The following MCMDC2 variants were observed in gnomAD, a reference collection of about 807,000 sequenced individuals.
The protein encoded by MCMDC2 is minichromosome maintenance domain-containing protein 2.
Under a neutral mutation model 75.8 loss-of-function variants are expected in MCMDC2, and 54 were observed. The observed-to-expected ratio is 0.71, with a 90% CI of 0.57 to 0.89. The LOEUF (loss-of-function observed/expected upper bound fraction) is 0.89. Among genes scored for constraint, MCMDC2 ranks in the 40% least tolerant of loss-of-function variants. The pLI is 0.00. For synonymous variants in MCMDC2, 249 were observed against 274.6 expected (o/e 0.91, Z 0.92); for missense variants, 656 against 780.4 (o/e 0.84, Z 1.90).
rs549793051 is a variant in MCMDC2 at position 66,921,530 on chromosome 8, G to A, written c.*2361G>A. ...AAACCTTCACCCAGATATAAATTCA[G>A]CTTTAGAATTCTTGCCAATTTAGTC... On this transcript the variant is annotated 3_prime_UTR_variant, in exon 15 of 15. Transcript: ENST00000422365. 6.6e-6 allele frequency: 1 copy of A among 152,308 alleles called. No homozygotes were observed. The highest frequency in any genetic ancestry group is 2.4e-5 in the African/African-American group (1 of 41,572). 9.4% of individuals were successfully genotyped at this position (152,308 alleles called of 1,614,324 possible). A position where few individuals can be genotyped will look rare whatever the true frequency, so the allele number is the denominator to read the frequency against.
chr8:66,901,375 A>G (rs1178893494), intron 13 of MCMDC2, 27 bp downstream of exon 13: 1 of 1,584,292 alleles, frequency 6.3e-7, no homozygotes, highest in African/African-American at 1.4e-5. Context: ...AGATTTTAAA[A>G]TCAGCATTGA....
chr8:66,899,462 ATCCAATCCAGGACATG>A (rs1812526323), intron 12 of MCMDC2, among the ~76,000 whole-genome samples: 1 of 152,192 alleles, frequency 6.6e-6, no homozygotes, highest in African/African-American at 2.4e-5. Context: ...CAGGATATAC[ATCCAATCCAGGACATG>A]TCCAATCTAG....
intron 9 of MCMDC2, among the ~76,000 whole-genome samples, chr8:66,885,491 A>G (rs1811797905): frequency 6.6e-6 from 1 of 151,952 alleles, no homozygotes; most frequent in Admixed American, 6.6e-5. Context: ...TGTTTTTATT[A>G]TGTTGTTTAT....
At chr8:66,922,567 T>C, downstream of MCMDC2, 1 of 518,628 alleles carries the variant, frequency 1.9e-6, no homozygotes, top group South Asian at 1.4e-5. Flanking sequence ...ATTAAACCTA[T>C]CTGTCAAGAA....
At chr8:66,925,443 G>A (rs1476478240), downstream of MCMDC2, 1 of 152,762 alleles carries the variant, frequency 6.5e-6, no homozygotes, top group Non-Finnish European at 1.5e-5. Context: ...TCACCTCGCA[G>A]AGCCCAGCTA....
chr8:66,917,106 G>A (rs1813351617), intron 14 of MCMDC2, among the ~76,000 whole-genome samples: 1 of 152,200 alleles, frequency 6.6e-6, no homozygotes, highest in Non-Finnish European at 1.5e-5. Context: ...GGGGCAGCAA[G>A]CTAGGCTCTG....
intron 14 of MCMDC2, among the ~76,000 whole-genome samples, chr8:66,913,624 C>T (rs2130867958): frequency 6.6e-6 from 1 of 152,238 alleles, no homozygotes; most frequent in South Asian, 2.1e-4. Context: ...AAGTTGCAGT[C>T]TCTGCCCTGG....
intron 9 of MCMDC2, among the ~76,000 whole-genome samples, chr8:66,887,455 G>A (rs1811898367): frequency 6.6e-6 from 1 of 152,070 alleles, no homozygotes; most frequent in Non-Finnish European, 1.5e-5. Context: ...GGGAGGCTGA[G>A]GCAGGAGAAT....
rs370619120 is a variant in MCMDC2, at chr8:66,912,069, CCTT to C, written c.1879+6737_1879+6739del. On this transcript the variant is annotated intron_variant, in intron 14 of 14. Transcript: ENST00000422365. Reference sequence around the variant, plus strand: ...TGGAGCTGGGCAAAGTCATTGAAAACCTTCTGGAAAAGATTTGCCATTCTAGAT... The same window carrying C: ...TGGAGCTGGGCAAAGTCATTGAAAACCTGGAAAAGATTTGCCATTCTAGAT... Among the ~76,000 whole-genome samples the C allele has an allele frequency of 7.5e-3, 1,148 of 152,244 alleles. 9 individuals carry two copies. The highest frequency in any genetic ancestry group is 0.011 in the Non-Finnish European group (735 of 68,026).
chr8:66,870,862 C>T (rs1478475111), intron 1 of MCMDC2, 31 bp downstream of exon 1: 1 of 152,306 alleles, frequency 6.6e-6, no homozygotes, highest in African/African-American at 2.4e-5. Context: ...CGCTGGGGTC[C>T]CACTAACTCG....
intron 14 of MCMDC2, among the ~76,000 whole-genome samples, chr8:66,907,688 C>T (rs1812960030): frequency 2.0e-5 from 3 of 152,154 alleles, no homozygotes; most frequent in South Asian, 2.1e-4. Context: ...ACAGTCCCAC[C>T]GACGGTGTAA....
chr8:66,911,191 TC>T (rs1813106285), intron 14 of MCMDC2, among the ~76,000 whole-genome samples: 1 of 152,160 alleles, frequency 6.6e-6, no homozygotes, highest in African/African-American at 2.4e-5. Context: ...ATCCCCATAA[TC>T]CCTACATGTC....
At chr8:66,882,057 T>TG (rs1210572764) in intron 8 of MCMDC2, among the ~76,000 whole-genome samples, 1 of 152,170 alleles carries the variant, frequency 6.6e-6, no homozygotes, top group Non-Finnish European at 1.5e-5. Context: ...CTGGTGAACT[T>TG]AAGGACAGAA....
At chr8:66,898,213 G>T (rs1183035161) in intron 12 of MCMDC2, among the ~76,000 whole-genome samples, 1 of 152,052 alleles carries the variant, frequency 6.6e-6, no homozygotes, top group African/African-American at 2.4e-5. Context: ...AAACAATCTA[G>T]ATTTATTAAT....
At chr8:66,888,052 C>G (rs920111182) in intron 9 of MCMDC2, among the ~76,000 whole-genome samples, 3 of 152,026 alleles carry the variant, frequency 2.0e-5, no homozygotes, top group African/African-American at 7.2e-5. Context: ...AATTTTAGAT[C>G]CTTTGCATTT....
chr8:66,894,391 A>G (rs1034011104), intron 10 of MCMDC2, among the ~76,000 whole-genome samples: 9 of 152,262 alleles, frequency 5.9e-5, no homozygotes, highest in African/African-American at 2.2e-4. Context: ...AAAATGACAC[A>G]GGAGGAAAGG....
chr8:66,909,249 C>T (rs1813016897), intron 14 of MCMDC2, among the ~76,000 whole-genome samples: 1 of 152,200 alleles, frequency 6.6e-6, no homozygotes, highest in Non-Finnish European at 1.5e-5. Flanking sequence ...GTCAATTAAA[C>T]CTCTTTCCTT....
At position 66,890,968 on chromosome 8, in the gene MCMDC2, G is replaced by A; in HGVS notation, c.1177G>A (p.Val393Ile). The change falls in exon 10 of 15, where the codon GTT becomes ATT. Residue 393 changes from valine to isoleucine, a missense_variant. Physicochemically the swap from Val to Ile is conservative, Grantham distance 29. Coordinates refer to ENST00000422365, the MANE Select transcript of MCMDC2 (RefSeq NM_173518.5). Reference protein sequence around the residue: ...LSRNKYGTGAVSIQAGSALLA... With the variant: ...LSRNKYGTGAISIQAGSALLA... ...CAGGAATAAGTATGGAACTGGAGCA[G>A]TTAGCATTCAGGCTGGCAGTGCTTT... The A allele has an allele frequency of 6.2e-7, 1 of 1,613,022 alleles. No individual in the cohort carries two copies. Among genetic ancestry groups the A allele is most frequent in the Non-Finnish European group, 8.5e-7 (1 of 1,179,820 alleles).
downstream of MCMDC2, among the ~76,000 whole-genome samples, chr8:66,923,337 T>C (rs1208971119): frequency 6.6e-6 from 1 of 152,120 alleles, no homozygotes; most frequent in Non-Finnish European, 1.5e-5. Context: ...CAAAAAATCA[T>C]GTCATACAGC....
Sources: gnomAD v4.1 joint callset for allele counts (sites outside exome capture counted in the v4.1 genomes callset) on GRCh38, gnomAD v4.1.1 for gene constraint, MANE v1.5 for transcripts, NCBI Gene and HGNC (gene_info 2026-07-23, HGNC 2026-07-21) for gene names.